Variants in MYO5B observed in about 807,000 individuals in gnomAD.
The protein encoded by MYO5B is myosin VB.
Under a neutral mutation model 229.3 loss-of-function variants are expected in MYO5B, and 143 were observed. The ratio of observed to expected loss-of-function variants is 0.62; its 90% CI spans 0.54 to 0.72. The LOEUF is 0.72. Among genes scored for constraint, MYO5B ranks in the 30% least tolerant of loss-of-function variants. MYO5B has a pLI of 0.00. For synonymous variants in MYO5B, 918 were observed against 885.2 expected, an observed-to-expected ratio of 1.04 and a Z score of -0.66; for missense variants, 2,321 against 2,331.0, an observed-to-expected ratio of 1.00 and a Z score of 0.09.
intron 2 of MYO5B, 31 bp from the exon 3 acceptor site, chr18:50,040,345 G>T (rs757730406): frequency 1.2e-5 from 19 of 1,607,702 alleles, no homozygotes; most frequent in African/African-American, 8.0e-5. Flanking sequence ...GACACAAAAA[G>T]GTGGTTATGA....
chr18:50,091,387 C>T lies in MYO5B; in HGVS notation c.28-36009G>A, dbSNP rs569298832. On this transcript the variant is annotated intron_variant, in intron 1 of 39. Coordinates refer to ENST00000285039, the MANE Select transcript of MYO5B (RefSeq NM_001080467.3). ...TCTGAGAGCATTTATAAATTTTACT[C>T]GTATTCAAGCTTATTTGCATACCCA... 1.5e-4 allele frequency among the ~76,000 whole-genome samples: 23 copies of T among 152,250 alleles called. 1 individual carries two copies. In the South Asian group the frequency reaches 4.6e-3, roughly 30 times the overall value.
intron 22 of MYO5B, among the ~76,000 whole-genome samples, chr18:49,886,939 G>C (rs1050937763): frequency 2.6e-5 from 4 of 152,200 alleles, no homozygotes; most frequent in Non-Finnish European, 5.9e-5. Context: ...ACTCATGGTA[G>C]TTGATATGGT....
chr18:49,865,287 G>A (rs2024383199), intron 27 of MYO5B, among the ~76,000 whole-genome samples: 1 of 152,154 alleles, frequency 6.6e-6, no homozygotes, highest in African/African-American at 2.4e-5. Flanking sequence ...CCAGGACAGA[G>A]GGCCAGGGCT....
intron 21 of MYO5B, among the ~76,000 whole-genome samples, chr18:49,895,520 C>T (rs897341583): frequency 6.6e-6 from 1 of 152,008 alleles, no homozygotes; most frequent in African/African-American, 2.4e-5. Context: ...GAAGCTGGCT[C>T]TCTGGGTTTG....
intron 1 of MYO5B, among the ~76,000 whole-genome samples, chr18:50,116,222 C>A (rs113281353): frequency 6.6e-6 from 1 of 152,134 alleles, no homozygotes; most frequent in Admixed American, 6.5e-5. Context: ...CATCCCCCTA[C>A]GTGTGGCGAT....
At chr18:50,176,576 C>T (rs527647060) in intron 1 of MYO5B, among the ~76,000 whole-genome samples, 2 of 152,300 alleles carry the variant, frequency 1.3e-5, no homozygotes, top group Admixed American at 6.5e-5. Flanking sequence ...TTCATCCTCC[C>T]TTGCATACCT....
At position 50,157,363 on chromosome 18, in the gene MYO5B, G is replaced by A. The variant is rs114709344; in HGVS notation, c.27+37404C>T. On this transcript the variant is annotated intron_variant, in intron 1 of 39. Coordinates refer to ENST00000285039, the MANE Select transcript of MYO5B (RefSeq NM_001080467.3). ...TCAGGTGATTCATCTACCTCGGCCT[G>A]GATATCCTTTGAATATGGGATAAAA... is the stretch of plus-strand genomic sequence containing the variant. 9.1e-3 allele frequency among the ~76,000 whole-genome samples: 1,388 copies of A among 152,210 alleles called. 14 individuals carry two copies. The highest frequency in any genetic ancestry group is 0.031 in the African/African-American group (1,306 of 41,528).
At chr18:49,923,030 C>A (rs1046956633) in intron 17 of MYO5B, among the ~76,000 whole-genome samples, 1 of 152,134 alleles carries the variant, frequency 6.6e-6, no homozygotes, top group Non-Finnish European at 1.5e-5. Flanking sequence ...CTGGATGAGG[C>A]AAAATCACAC....
chr18:50,165,172 T>A (rs1234556888), intron 1 of MYO5B, among the ~76,000 whole-genome samples: 2 of 152,170 alleles, frequency 1.3e-5, no homozygotes, highest in African/African-American at 4.8e-5. Flanking sequence ...TGCCACTGAT[T>A]AACACTTTTA....
intron 2 of MYO5B, among the ~76,000 whole-genome samples, chr18:50,045,802 A>G (rs1433954861): frequency 6.6e-6 from 1 of 152,198 alleles, no homozygotes; most frequent in Admixed American, 6.5e-5. Context: ...ACCACAGCCA[A>G]TGTTCTATTG....
At chr18:50,164,977 C>T (rs2032822440) in intron 1 of MYO5B, among the ~76,000 whole-genome samples, 1 of 152,240 alleles carries the variant, frequency 6.6e-6, no homozygotes, top group African/African-American at 2.4e-5. Flanking sequence ...CAACGCTCTT[C>T]TTTCTGGAGG....
In MYO5B at chr18:49,869,706, T is replaced by C. The variant is rs2024436374; in HGVS notation, c.3603+2461A>G. On this transcript the variant is annotated intron_variant, in intron 27 of 39. Coordinates refer to ENST00000285039, the MANE Select transcript of MYO5B (RefSeq NM_001080467.3). ...GGAGTCCGGGAGGCAGTTTCATGCG[T>C]AGGGTAGTACAGTGGTTCTCAGACT... Among the ~76,000 whole-genome samples, 4 of 152,128 alleles carry C rather than the reference T, an allele frequency of 2.6e-5. No individual in the cohort carries two copies. The South Asian group carries it at 6.2e-4, about 24-fold the overall frequency.
At chr18:50,157,456 C>A (rs1485987550) in intron 1 of MYO5B, among the ~76,000 whole-genome samples, 1 of 152,118 alleles carries the variant, frequency 6.6e-6, no homozygotes, top group Non-Finnish European at 1.5e-5. Flanking sequence ...CTCTCTCAAA[C>A]GCTCCCCTAT....
intron 1 of MYO5B, among the ~76,000 whole-genome samples, chr18:50,077,168 T>TAAAAAAA (rs71169476): frequency 0.071 from 5,747 of 81,140 alleles, 352 homozygotes; most frequent in East Asian, 0.16. Flanking sequence ...TGTGGCAAAG[T>TAAAAAAA]AAAAAAAAAA....
Position 50,187,492 on chromosome 18 carries a change from A to G in MYO5B, c.27+7275T>C, listed in dbSNP as rs565310373. ...TCTGACAAACCCAAAATCATTCTAC[A>G]AAATTATTGAGAAATGCTTTTTTTG... On this transcript the variant is annotated intron_variant, in intron 1 of 39. Coordinates refer to ENST00000285039, the MANE Select transcript of MYO5B (RefSeq NM_001080467.3). Among the ~76,000 whole-genome samples, 3 of 152,262 alleles carry G rather than the reference A, an allele frequency of 2.0e-5. No individual in the cohort carries two copies. In the East Asian group the frequency reaches 5.8e-4, roughly 29 times the overall value.
chr18:50,065,837 G>A (rs2030807056), intron 1 of MYO5B, among the ~76,000 whole-genome samples: 1 of 152,172 alleles, frequency 6.6e-6, no homozygotes, highest in Non-Finnish European at 1.5e-5. Context: ...ATCCTAGATG[G>A]ATAAGGAGGT....
At chr18:49,901,681 T>C (rs2024843077) in intron 21 of MYO5B, among the ~76,000 whole-genome samples, 1 of 152,094 alleles carries the variant, frequency 6.6e-6, no homozygotes, top group African/African-American at 2.4e-5. Flanking sequence ...AATTCTGATT[T>C]CCAAAGCAAA....
intron 12 of MYO5B, among the ~76,000 whole-genome samples, chr18:49,959,891 C>T (rs1257467664): frequency 6.6e-6 from 1 of 152,186 alleles, no homozygotes; most frequent in Non-Finnish European, 1.5e-5. Flanking sequence ...ACATTGCTGA[C>T]ACTCAAACAC....
chr18:49,849,609 T>C lies in MYO5B; in HGVS notation c.4273A>G (p.Lys1425Glu). The change falls in exon 32 of 40, where the codon AAG becomes GAG. Residue 1425 changes from lysine (K) to glutamate (E), a missense_variant. Lys to Glu is a moderately conservative substitution (Grantham distance 56). Coordinates refer to ENST00000285039, the MANE Select transcript of MYO5B (RefSeq NM_001080467.3). ...KLEKNERKLKKQLKIYMKKAQ... is the reference protein window; with the variant it reads ...KLEKNERKLKEQLKIYMKKAQ... Reference sequence around the variant, plus strand: ...TTCTTCATGTAAATCTTCAGTTGCTTTTTGAGCTTCCTCTCATTCTTTTCC... The same window carrying C: ...TTCTTCATGTAAATCTTCAGTTGCTCTTTGAGCTTCCTCTCATTCTTTTCC... 6.2e-7 allele frequency: 1 copy of C among 1,613,694 alleles called. No homozygotes were observed. The highest frequency in any genetic ancestry group is 1.1e-5 in the South Asian group (1 of 91,050).
Sources: allele counts gnomAD v4.1 joint callset (sites outside exome capture counted in the v4.1 genomes callset), GRCh38; gene constraint gnomAD v4.1.1; transcripts MANE v1.5; gene names NCBI Gene and HGNC (gene_info 2026-07-23, HGNC 2026-07-21).